The following CPAMD8 variants were observed in gnomAD, a reference collection of about 807,000 sequenced individuals.
The protein encoded by CPAMD8 is C3 and PZP-like alpha-2-macroglobulin domain-containing protein 8.
In CPAMD8, 146 loss-of-function variants were observed where a neutral mutation model predicts 224.7. The ratio of observed to expected loss-of-function variants is 0.65; its 90% CI spans 0.57 to 0.75. The LOEUF (loss-of-function observed/expected upper bound fraction) is 0.75, where lower values mean the gene tolerates loss of function less well. Ranked by LOEUF, CPAMD8 falls within the 30% of genes least tolerant of loss-of-function variation. The pLI, the probability that CPAMD8 is intolerant of heterozygous loss-of-function variation, is 0.00. For missense variants in CPAMD8, 2,301 were observed against 2,537.5 expected (o/e 0.91, Z 2.00); for synonymous variants, 966 against 1,044.6 (o/e 0.92, Z 1.45).
At chr19:16,962,578 A>G (rs1403330602) in intron 18 of CPAMD8, among the ~76,000 whole-genome samples, 1 of 152,228 alleles carries the variant, frequency 6.6e-6, no homozygotes, top group African/African-American at 2.4e-5. Flanking sequence ...GGTGTACCTG[A>G]AAGTGATGGG....
chr19:16,957,706 G>T (rs1599781278), intron 19 of CPAMD8, 147 bp downstream of exon 19: 8 of 747,542 alleles, frequency 1.1e-5, no homozygotes, highest in East Asian at 1.0e-4. Context: ...TTCATGGCTT[G>T]AAGTTTTGTG....
In CPAMD8 at chr19:16,920,953, T is replaced by G. The variant is rs1039959477; in HGVS notation, c.3629+952A>C. Among the ~76,000 whole-genome samples, 30 of 151,982 alleles carry G rather than the reference T, an allele frequency of 2.0e-4. 1 individual carries two copies. Among genetic ancestry groups the G allele is most frequent in the Middle Eastern group, 6.9e-3 (2 of 288 alleles). ...GGGGCTGCTGGGGCTCAGCCAGCTTTTGGAGAGTGACTCAGTGGCTTTAGC... is the reference window on the plus strand; with the variant it reads ...GGGGCTGCTGGGGCTCAGCCAGCTTGTGGAGAGTGACTCAGTGGCTTTAGC... On this transcript the variant is annotated intron_variant, in intron 27 of 41. Coordinates refer to ENST00000443236, the MANE Select transcript of CPAMD8 (RefSeq NM_015692.5).
At chr19:17,026,422 A>T (rs1599947284) in intron 1 of CPAMD8, 129 bp downstream of exon 1, 3 of 1,060,052 alleles carry the variant, frequency 2.8e-6, no homozygotes, top group Middle Eastern at 2.2e-4. Flanking sequence ...ATTCGGGAAC[A>T]AGAGGCCAGG....
intron 20 of CPAMD8, among the ~76,000 whole-genome samples, chr19:16,948,783 G>A (rs900259764): frequency 2.8e-5 from 4 of 143,776 alleles, no homozygotes; most frequent in African/African-American, 1.0e-4. Flanking sequence ...GACGGGAAAG[G>A]AGGGGAAGGG....
chr19:16,996,698 A>G (rs1395314220), intron 11 of CPAMD8, among the ~76,000 whole-genome samples: 1 of 151,874 alleles, frequency 6.6e-6, no homozygotes, highest in African/African-American at 2.4e-5. Context: ...ATGTTCCTGT[A>G]ATCCCAGCTA....
At chr19:16,979,486 C>A (rs2055424226) in intron 14 of CPAMD8, among the ~76,000 whole-genome samples, 1 of 150,908 alleles carries the variant, frequency 6.6e-6, no homozygotes, top group Non-Finnish European at 1.5e-5. Context: ...ATCCATCCAT[C>A]CTTCTGTCCA....
chr19:16,961,168 A>G (rs1235231952), intron 18 of CPAMD8, among the ~76,000 whole-genome samples: 5 of 152,222 alleles, frequency 3.3e-5, no homozygotes, highest in Non-Finnish European at 7.3e-5. Flanking sequence ...CTGGTTGGAC[A>G]GTGGGTACAG....
At chr19:16,974,531 C>A (rs11880324) in intron 17 of CPAMD8, among the ~76,000 whole-genome samples, 32 of 151,660 alleles carry the variant, frequency 2.1e-4, no homozygotes, top group Admixed American at 2.1e-3. Flanking sequence ...CAGCAAAGCA[C>A]GTCAATGTCA....
intron 41 of CPAMD8, chr19:16,894,294 T>TGG: frequency 2.3e-6 from 1 of 425,538 alleles, no homozygotes. Context: ...TTCTGTTCCT[T>TGG]GGGTTCATTT....
At chr19:16,901,896 G>A (rs574194236) in intron 35 of CPAMD8, among the ~76,000 whole-genome samples, 1 of 152,230 alleles carries the variant, frequency 6.6e-6, no homozygotes, top group Non-Finnish European at 1.5e-5. Flanking sequence ...TTCTGAGATG[G>A]GGAACTTGGA....
In CPAMD8 at chr19:16,945,584, C is replaced by A. The variant is rs771137068; in HGVS notation, c.2758G>T (p.Gly920Trp). The change falls in exon 22 of 42, where the codon GGG becomes TGG. Residue 920 changes from glycine to tryptophan, a missense_variant. Physicochemically the swap from Gly to Trp is radical, Grantham distance 184 (BLOSUM62 -2). Coordinates refer to ENST00000443236, the MANE Select transcript of CPAMD8 (RefSeq NM_015692.5). ...ACACTGCGCCTGACGTGATCCACCC[C>A]GATGGGGACCCTCCTGTCGGCGTGA... ...ENHADRRVPI[G>W]VDHVRRSVMV... The A allele has an allele frequency of 6.2e-7, 1 of 1,614,052 alleles. No individual in the cohort carries two copies. The highest frequency in any genetic ancestry group is 1.7e-5 in the Admixed American group (1 of 60,010).
intron 27 of CPAMD8, among the ~76,000 whole-genome samples, chr19:16,917,331 A>G (rs1484906003): frequency 6.6e-6 from 1 of 152,226 alleles, no homozygotes; most frequent in Non-Finnish European, 1.5e-5. Flanking sequence ...ATCAATTGTA[A>G]CAAATACAGC....
intron 7 of CPAMD8, 41 bp from the exon 8 acceptor site, chr19:17,004,427 C>A (rs1281456748): frequency 3.0e-6 from 4 of 1,328,902 alleles, no homozygotes; most frequent in Non-Finnish European, 4.3e-6. Flanking sequence ...CAGAGAGCCA[C>A]AGACACGGTG....
Position 16,896,597 on chromosome 19 carries a change from A to G in CPAMD8, c.5134T>C (p.Cys1712Arg). ...EEGAAIARCGCDHDCGAQGNP... is the reference protein window; with the variant it reads ...EEGAAIARCGRDHDCGAQGNP... Reference sequence around the variant, plus strand: ...CCCTGGGCGCCGCAGTCGTGGTCGCAGCCGCATCGCGCGATCGCCGCCCCC... The same window carrying G: ...CCCTGGGCGCCGCAGTCGTGGTCGCGGCCGCATCGCGCGATCGCCGCCCCC... Residue 1712 changes from cysteine to arginine, a missense_variant, in exon 40 of 42, where the codon TGC (cysteine) becomes CGC (arginine). Physicochemically the swap from Cys to Arg is radical, Grantham distance 180 (BLOSUM62 -3). Coordinates refer to ENST00000443236, the MANE Select transcript of CPAMD8 (RefSeq NM_015692.5). 2 of 1,508,662 alleles carry G rather than the reference A, an allele frequency of 1.3e-6. No individual in the cohort carries two copies. Among genetic ancestry groups the G allele is most frequent in the South Asian group, 2.5e-5 (2 of 80,640 alleles). 93.5% of individuals were successfully genotyped at this position (1,508,662 alleles called of 1,614,324 possible).
At chr19:17,008,960 G>A (rs1368600468) in intron 6 of CPAMD8, among the ~76,000 whole-genome samples, 2 of 152,078 alleles carry the variant, frequency 1.3e-5, no homozygotes, top group African/African-American at 4.8e-5. Flanking sequence ...GCTGGGTGTG[G>A]TGCCATACGC....
chr19:17,005,203 C>T lies in CPAMD8; in HGVS notation c.560-817G>A, dbSNP rs538517751. Among the ~76,000 whole-genome samples the T allele has an allele frequency of 4.6e-5, 7 of 151,960 alleles. No homozygotes were observed. The South Asian group carries it at 1.5e-3, about 32-fold the overall frequency. ...TCCCCCAGACATTGCCAATATCGCCCCTAGGGGGCAAAGTCACCCCTTGGT... is the reference window on the plus strand; with the variant it reads ...TCCCCCAGACATTGCCAATATCGCCTCTAGGGGGCAAAGTCACCCCTTGGT... On this transcript the variant is annotated intron_variant, in intron 7 of 41. Transcript: ENST00000443236.
chr19:16,950,199 G>C (rs2054253991), intron 20 of CPAMD8, among the ~76,000 whole-genome samples: 1 of 152,174 alleles, frequency 6.6e-6, no homozygotes, highest in Non-Finnish European at 1.5e-5. Context: ...TCAGGAGGCT[G>C]AGGCAGGAGA....
chr19:16,914,636 G>A (rs770287163), intron 28 of CPAMD8, 21 bp downstream of exon 28: 1 of 1,613,822 alleles, frequency 6.2e-7, no homozygotes, highest in East Asian at 2.2e-5. Context: ...GCCCGGGAAG[G>A]AGGCTCAAGG....
chr19:16,941,223 G>A (rs1330744387), intron 22 of CPAMD8, among the ~76,000 whole-genome samples: 1 of 152,220 alleles, frequency 6.6e-6, no homozygotes, highest in Non-Finnish European at 1.5e-5. Context: ...ATGAGCCACT[G>A]TGCCTGGCCT....
Sources: gnomAD v4.1 joint callset for allele counts (sites outside exome capture counted in the v4.1 genomes callset) on GRCh38, gnomAD v4.1.1 for gene constraint, MANE v1.5 for transcripts, NCBI Gene and HGNC (gene_info 2026-07-23, HGNC 2026-07-21) for gene names.